Variants in RELA observed in about 807,000 individuals in gnomAD.
RELA encodes the protein transcription factor p65.
A neutral mutation model predicts 56.7 loss-of-function variants in RELA; 14 were observed. That is an observed-to-expected ratio of 0.25 (90% confidence interval 0.16 to 0.39). The LOEUF (loss-of-function observed/expected upper bound fraction) is 0.39, where lower values mean the gene tolerates loss of function less well. Among genes scored for constraint, RELA ranks in the 10% least tolerant of loss-of-function variants. The probability of loss-of-function intolerance (pLI) is 1.00; values close to 1 mark genes in which losing one functional copy is unlikely to be tolerated. For synonymous variants in RELA, 315 were observed against 289.7 expected (o/e 1.09, Z -0.89); for missense variants, 559 against 736.4 (o/e 0.76, Z 2.79).
rs746111744 is a variant in RELA, at chr11:65,659,712, C to T, written c.513G>A (p.Arg171=). ...FQVTVRDPSG[R]PLRLPPVLSH... is the part of the protein sequence containing the mutation. ...AAAGGACAGGCGGCAGGCGGAGGGG[C>T]CTGCCTGATGGGTCCCGCACTGTCA... The change falls in exon 6 of 11, where the codon AGG becomes AGA. Residue 171 remains arginine, a synonymous_variant. Coordinates refer to ENST00000406246, the MANE Select transcript of RELA (RefSeq NM_021975.4). 6.2e-7 allele frequency: 1 copy of T among 1,613,924 alleles called. No homozygotes were observed. Among genetic ancestry groups the T allele is most frequent in the Non-Finnish European group, 8.5e-7 (1 of 1,180,020 alleles).
chr11:65,663,758 C>T (rs186677278), upstream of RELA, among the ~76,000 whole-genome samples: 341 of 151,568 alleles, frequency 2.2e-3, no homozygotes, highest in Non-Finnish European at 3.6e-3. Flanking sequence ...TGTGTTTGCC[C>T]TGGACCTCCA....
At position 65,661,759 on chromosome 11, in the gene RELA, T is replaced by TG. The variant is rs1313726848; in HGVS notation, c.262dup (p.His88ProfsTer14). The TG allele has an allele frequency of 6.2e-7, 1 of 1,613,682 alleles. No individual in the cohort carries two copies. The highest frequency in any genetic ancestry group is 1.3e-5 in the African/African-American group (1 of 74,882). ...CCGGCAGTCCTTTCCTACAAGCTCG[T>TG]GGGGGTGAGGCCGGTGAGGAGGGTC... is the stretch of plus-strand genomic sequence containing the variant. On this transcript the variant is annotated frameshift_variant, in exon 4 of 11. Transcript: ENST00000406246. LOFTEE classifies it high-confidence loss of function.
upstream of RELA, among the ~76,000 whole-genome samples, chr11:65,663,732 C>A (rs1417201227): frequency 6.6e-6 from 1 of 151,274 alleles, no homozygotes; most frequent in African/African-American, 2.4e-5. Context: ...CGACCCCCCA[C>A]CCCCCTGCCC....
At chr11:65,655,474 T>A (rs2135551866) in intron 10 of RELA, 1 of 593,910 alleles carries the variant, frequency 1.7e-6, no homozygotes, top group African/African-American at 1.9e-5. Context: ...TAACTTCTGA[T>A]TCCCAAGATA....
rs370929917 is a variant in RELA, at chr11:65,654,729, C to T, written c.1305G>A (p.Thr435=). 7.9e-6 allele frequency: 12 copies of T among 1,525,124 alleles called. No homozygotes were observed. Among genetic ancestry groups the T allele is most frequent in the Middle Eastern group, 1.8e-4 (1 of 5,492 alleles). 94.5% of individuals were successfully genotyped at this position (1,525,124 alleles called of 1,614,324 possible). A position where few individuals can be genotyped will look rare whatever the true frequency, so the allele number is the denominator to read the frequency against. The change falls in exon 11 of 11, where the codon ACG becomes ACA. Residue 435 remains threonine, a synonymous_variant. Transcript: ENST00000406246. ...GCAGCTGCAGCAGGGCCTCTGACAG[C>T]GTTCCTTCCCCAGCCTGGGTGGGCT... ...APKPTQAGEG[T]LSEALLQLQF... is the part of the protein sequence containing the mutation.
At chr11:65,656,506 C>T (rs1856432753) in intron 8 of RELA, among the ~76,000 whole-genome samples, 1 of 152,176 alleles carries the variant, frequency 6.6e-6, no homozygotes, top group East Asian at 1.9e-4. Flanking sequence ...ATTCCCTGAC[C>T]ATCCGCCATC....
intron 8 of RELA, among the ~76,000 whole-genome samples, chr11:65,656,175 G>C (rs1165583415): frequency 6.6e-6 from 1 of 152,178 alleles, no homozygotes. Flanking sequence ...GAGTACAGGG[G>C]CCATGCTCTG....
chr11:65,654,192 C>T lies in RELA; in HGVS notation c.*186G>A, dbSNP rs1404301496. On this transcript the variant is annotated 3_prime_UTR_variant, in exon 11 of 11. Transcript: ENST00000406246. ...AGAGAAGTTAATGCTTCTGCTTAAG[C>T]ACCTCCAAAAAGAGAGAGAGATACA... 3.8e-6 allele frequency: 3 copies of T among 793,178 alleles called. No homozygotes were observed. Among genetic ancestry groups the T allele is most frequent in the Non-Finnish European group, 6.4e-6 (3 of 466,676 alleles). The allele number at this position is 793,178 out of a possible 1,614,324, so 49.1% of individuals were successfully genotyped here. A position where few individuals can be genotyped will look rare whatever the true frequency, so the allele number is the denominator to read the frequency against.
rs377092614 is a variant in RELA, at chr11:65,662,218, G to A, written c.8-13C>T. ...AGGGGGAACAGTTCTGAAAGGGGAG[G>A]GAGATCAGGGTCAGCACACACCCAA... On this transcript the variant is annotated splice_polypyrimidine_tract_variant and intron_variant, in intron 1 of 10. Transcript: ENST00000406246. The A allele has an allele frequency of 1.3e-5, 21 of 1,560,542 alleles. No individual in the cohort carries two copies. Among genetic ancestry groups the A allele is most frequent in the Non-Finnish European group, 1.7e-5 (20 of 1,158,874 alleles).
chr11:65,660,156 T>C lies in RELA; in HGVS notation c.395A>G (p.Gln132Arg). Residue 132 changes from glutamine (Q) to arginine (R), a missense_variant, in exon 5 of 11, where the codon CAG (glutamine) becomes CGG (arginine). This residue lies in a region of RELA where 149 missense variants were observed against 256.0 expected (regional missense o/e 0.58). Coordinates refer to ENST00000406246, the MANE Select transcript of RELA (RefSeq NM_021975.4). ...GGGGTTGTTGTTGGTCTGGATGCGCTGACTGATAGCCTGCTCCAGGTCCCG... is the reference window on the plus strand; with the variant it reads ...GGGGTTGTTGTTGGTCTGGATGCGCCGACTGATAGCCTGCTCCAGGTCCCG... ...KKRDLEQAISQRIQTNNNPFQ... is the reference protein window; with the variant it reads ...KKRDLEQAISRRIQTNNNPFQ... 6.2e-7 allele frequency: 1 copy of C among 1,614,150 alleles called. No homozygotes were observed. Among genetic ancestry groups the C allele is most frequent in the Non-Finnish European group, 8.5e-7 (1 of 1,180,006 alleles).
chr11:65,656,590 T>C (rs1151493), intron 8 of RELA, among the ~76,000 whole-genome samples: 150,689 of 152,330 alleles, frequency 0.99, 74,559 homozygotes, highest in Middle Eastern at 1. Flanking sequence ...TAACTTGACA[T>C]ATATTTATCA....
In RELA at chr11:65,660,143, G is replaced by A; in HGVS notation, c.408C>T (p.Thr136=). ...CCTCACCTTGGAAGGGGTTGTTGTT[G>A]GTCTGGATGCGCTGACTGATAGCCT... ...LEQAISQRIQ[T]NNNPFQVPIE... Residue 136 remains threonine (T), a synonymous_variant, in exon 5 of 11, where the codon ACC becomes ACT. Transcript: ENST00000406246. The A allele has an allele frequency of 1.9e-6, 3 of 1,614,110 alleles. No individual in the cohort carries two copies. Among genetic ancestry groups the A allele is most frequent in the Non-Finnish European group, 1.7e-6 (2 of 1,179,998 alleles).
rs1329013921 is a variant in RELA at position 65,658,990 on chromosome 11, C to T, written c.560-168G>A. 7.9e-5 allele frequency among the ~76,000 whole-genome samples: 12 copies of T among 152,152 alleles called. No individual in the cohort carries two copies. Among genetic ancestry groups the T allele is most frequent in the Non-Finnish European group, 1.6e-4 (11 of 68,034 alleles). On this transcript the variant is annotated intron_variant, in intron 6 of 10. Coordinates refer to ENST00000406246, the MANE Select transcript of RELA (RefSeq NM_021975.4). The surrounding 1 kb of genome is among the most constrained non-coding windows in gnomAD (Gnocchi z 4.5). ...CTTCTTATTAGCTCCTCACCCCAAC[C>T]GATTCAACAAGTATTTGCCTACTGT...
At chr11:65,655,638 C>G (rs778212037) in intron 10 of RELA, 50 bp downstream of exon 10, 1 of 1,565,436 alleles carries the variant, frequency 6.4e-7, no homozygotes, top group Non-Finnish European at 8.8e-7. Context: ...TGCTCCTCAG[C>G]TGAACAGAGC....
At position 65,658,483 on chromosome 11, in the gene RELA, A is replaced by C; in HGVS notation, c.681T>G (p.Tyr227Ter). The change falls in exon 8 of 11, where the codon TAT becomes TAG. Residue 227 changes from tyrosine (Y) to a stop codon, truncating the protein, a stop_gained. Coordinates refer to ENST00000406246, the MANE Select transcript of RELA (RefSeq NM_021975.4). LOFTEE classifies it high-confidence loss of function. The surrounding 1 kb of genome is among the most constrained non-coding windows in gnomAD (Gnocchi z 4.5). ...DKVQKEDIEV[Y>*]FTGPGWEARG... ...GGGCCTCCCAGCCTGGTCCCGTGAA[A>C]TACACCTCAATGTCCTCTGCAGGAG... is the stretch of plus-strand genomic sequence containing the variant. 6.2e-7 allele frequency: 1 copy of C among 1,609,160 alleles called. No homozygotes were observed. The highest frequency in any genetic ancestry group is 8.5e-7 in the Non-Finnish European group (1 of 1,176,530).
In RELA at chr11:65,654,755, TG is replaced by T; in HGVS notation, c.1278del (p.Lys427SerfsTer52). The stretch of plus-strand genomic sequence containing the variant: ...GTTCCTTCCCCAGCCTGGGTGGGCT[TG>T]GGGGCAGGTGGGGCCACAGCCTGAG... The part of the protein sequence containing the change: ...GPPQAVAPPA[P>X]KPTQAGEGTL... On this transcript the variant is annotated frameshift_variant, in exon 11 of 11. Transcript: ENST00000406246. LOFTEE classifies it high-confidence loss of function. 6.7e-7 allele frequency: 1 copy of T among 1,502,996 alleles called. No homozygotes were observed. Among genetic ancestry groups the T allele is most frequent in the Admixed American group, 2.4e-5 (1 of 42,428 alleles). The allele number at this position is 1,502,996 out of a possible 1,614,324, so 93.1% of individuals were successfully genotyped here. A position where few individuals can be genotyped will look rare whatever the true frequency, so the allele number is the denominator to read the frequency against.
chr11:65,654,847 G>T lies in RELA; in HGVS notation c.1187C>A (p.Ala396Asp). The T allele has an allele frequency of 6.4e-7, 1 of 1,557,056 alleles. No homozygotes were observed. Among genetic ancestry groups the T allele is most frequent in the Non-Finnish European group, 8.7e-7 (1 of 1,147,196 alleles). ...GGCCAGAGCTGATACCATGGCTGGA[G>T]CAGGGGCAGGGGCTGGAGCCTGGGG... Reference protein sequence around the residue: ...VLPQAPAPAPAPAMVSALAQA... With the variant: ...VLPQAPAPAPDPAMVSALAQA... Residue 396 changes from alanine (A) to aspartate (D), a missense_variant, in exon 11 of 11, where the codon GCT becomes GAT. Ala to Asp is a moderately radical substitution (Grantham distance 126). This residue lies in a region of RELA where 365 missense variants were observed against 387.5 expected (regional missense o/e 0.94). Transcript: ENST00000406246.
rs953099273 is a variant in RELA at position 65,655,371 on chromosome 11, G to A, written c.1033+317C>T. 28 of 575,944 alleles carry A rather than the reference G, an allele frequency of 4.9e-5. 1 individual carries two copies. Among genetic ancestry groups the A allele is most frequent in the East Asian group, 2.6e-4 (9 of 35,004 alleles). The allele number at this position is 575,944 out of a possible 1,614,324, so 35.7% of individuals were successfully genotyped here. On this transcript the variant is annotated intron_variant, in intron 10 of 10. Transcript: ENST00000406246. Reference sequence around the variant, plus strand: ...TGAAGTGCAGAGCTTGTCAGTTTTTGAGCCTCGCACAGGCACACACATCTT... The same window carrying A: ...TGAAGTGCAGAGCTTGTCAGTTTTTAAGCCTCGCACAGGCACACACATCTT...
chr11:65,654,933 C>G lies in RELA; in HGVS notation c.1101G>C (p.Val367=). ...CCTGGCTGATCTGCCCAGAAGGAAA[C>G]ACCATGGTGGGAAACTCATCATAGT... ...TINYDEFPTM[V]FPSGQISQAS... is the part of the protein sequence containing the mutation. The change falls in exon 11 of 11, where the codon GTG becomes GTC. Residue 367 remains valine, a synonymous_variant. Transcript: ENST00000406246. 6.2e-7 allele frequency: 1 copy of G among 1,602,930 alleles called. No individual in the cohort carries two copies. Among genetic ancestry groups the G allele is most frequent in the African/African-American group, 1.3e-5 (1 of 74,976 alleles).
Sources: gnomAD v4.1 joint callset for allele counts (sites outside exome capture counted in the v4.1 genomes callset) on GRCh38, gnomAD v4.1.1 for gene constraint, gnomAD v4.1.1 regional missense constraint, Gnocchi (gnomAD v3.1) non-coding constraint, MANE v1.5 for transcripts, NCBI Gene and HGNC (gene_info 2026-07-23, HGNC 2026-07-21) for gene names.